SHISA7: variants seen among roughly 807,000 people sequenced by gnomAD.
The protein encoded by SHISA7 is shisa family member 7.
Under a neutral mutation model 23.9 loss-of-function variants are expected in SHISA7, and 6 were observed. The ratio of observed to expected loss-of-function variants is 0.25; its 90% CI spans 0.14 to 0.50. The LOEUF (loss-of-function observed/expected upper bound fraction) is 0.50. Among genes scored for constraint, SHISA7 ranks in the 20% least tolerant of loss-of-function variants. SHISA7 has a pLI of 0.98. For missense variants in SHISA7, 671 were observed against 801.1 expected, an observed-to-expected ratio of 0.84 and a Z score of 1.96; for synonymous variants, 386 against 398.3, an observed-to-expected ratio of 0.97 and a Z score of 0.37.
At chr19:55,435,300 G>A in intron 3 of SHISA7, among the ~76,000 whole-genome samples, 1 of 134,284 alleles carries the variant, frequency 7.4e-6, no homozygotes, top group South Asian at 2.5e-4. Context: ...TGTGGTGTGT[G>A]TGTATATGTG....
chr19:55,442,388 G>T lies in SHISA7; in HGVS notation c.476C>A (p.Pro159His). The change falls in exon 1 of 4, where the codon CCC becomes CAC. Residue 159 changes from proline to histidine, a missense_variant. Physicochemically the swap from Pro to His is moderately conservative, Grantham distance 77. This residue lies in a region of SHISA7 where 59 missense variants were observed against 57.2 expected (regional missense o/e 1.03). Coordinates refer to ENST00000376325, the MANE Select transcript of SHISA7 (RefSeq NM_001145176.2). ...GAGGAGGGPG[P>H]GQAGWLEGGR... is the part of the protein sequence containing the mutation. ...CCCTTCCAACCACCCGGCCTGGCCGGGCCCTGGCCCCCCGCCCGCACCCCC... is the reference window on the plus strand; with the variant it reads ...CCCTTCCAACCACCCGGCCTGGCCGTGCCCTGGCCCCCCGCCCGCACCCCC... 1 of 1,353,488 alleles carries T rather than the reference G, an allele frequency of 7.4e-7. No homozygotes were observed. The highest frequency in any genetic ancestry group is 1.5e-5 in the African/African-American group (1 of 64,838). 83.8% of individuals were successfully genotyped at this position (1,353,488 alleles called of 1,614,324 possible).
rs1985530216 is a variant in SHISA7 at position 55,438,876 on chromosome 19, C to CG, written c.827-1123_827-1122insC. On this transcript the variant is annotated intron_variant, in intron 2 of 3. Coordinates refer to ENST00000376325, the MANE Select transcript of SHISA7 (RefSeq NM_001145176.2). ...TCTGTCCCAAGTTCTTAGCACCCCC[C>CG]CCCCTGGTGCCCAGGCTAGAGATCT... Among the ~76,000 whole-genome samples the CG allele has an allele frequency of 3.9e-5, 5 of 126,784 alleles. No homozygotes were observed. The South Asian group carries it at 9.3e-4, about 24-fold the overall frequency. 83.2% of individuals were successfully genotyped at this position (126,784 alleles called of 152,430 possible).
chr19:55,438,679 G>T, intron 2 of SHISA7: 6 of 1,284,564 alleles, frequency 4.7e-6, no homozygotes, highest in Non-Finnish European at 6.2e-6. Flanking sequence ...ACTCCCAGCT[G>T]GCACCGTGGC....
chr19:55,437,223 C>T (rs1351236318), intron 3 of SHISA7, among the ~76,000 whole-genome samples: 1 of 152,190 alleles, frequency 6.6e-6, no homozygotes, highest in African/African-American at 2.4e-5. Context: ...ATGAGGCCCG[C>T]CGGTGGCGTA....
chr19:55,432,664 G>T lies in SHISA7; in HGVS notation c.*492C>A, dbSNP rs1170884055. The T allele has an allele frequency of 6.5e-6, 1 of 153,500 alleles. No individual in the cohort carries two copies. Among genetic ancestry groups the T allele is most frequent in the Non-Finnish European group, 1.5e-5 (1 of 68,698 alleles). 9.5% of individuals were successfully genotyped at this position (153,500 alleles called of 1,614,324 possible). ...TCCCCATGGCGATGATGCCAAAAGA[G>T]GCCTTGGAGTTAGAGATGACATCAT... On this transcript the variant is annotated 3_prime_UTR_variant, in exon 4 of 4. Coordinates refer to ENST00000376325, the MANE Select transcript of SHISA7 (RefSeq NM_001145176.2). This position sits in a 1 kb window ranked among gnomAD's most constrained non-coding sequence, Gnocchi z 4.6.
In SHISA7 at chr19:55,433,529, A is replaced by AGCAGCAGGTGCTCCTGCG; in HGVS notation, c.1226_1243dup (p.Leu414_Leu415insProGlnGluHisLeuLeu). Reference sequence around the variant, plus strand: ...CTGGCGCAGGGCCTCGGGCGAGGACAGCAGCAGGTGCTCCTGCGACACCAG... The same window carrying AGCAGCAGGTGCTCCTGCG: ...CTGGCGCAGGGCCTCGGGCGAGGACAGCAGCAGGTGCTCCTGCGGCAGCAGGTGCTCCTGCGACACCAG... On this transcript the variant is annotated inframe_insertion, in exon 4 of 4. Coordinates refer to ENST00000376325, the MANE Select transcript of SHISA7 (RefSeq NM_001145176.2). This position sits in a 1 kb window ranked among gnomAD's most constrained non-coding sequence, Gnocchi z 8.4. 1 of 1,487,026 alleles carries AGCAGCAGGTGCTCCTGCG rather than the reference A, an allele frequency of 6.7e-7. No individual in the cohort carries two copies. The highest frequency in any genetic ancestry group is 1.3e-5 in the South Asian group (1 of 79,202). 92.1% of individuals were successfully genotyped at this position (1,487,026 alleles called of 1,614,324 possible).
rs540403933 is a variant in SHISA7, at chr19:55,442,947, G to A, written c.-84C>T. 215 of 781,146 alleles carry A rather than the reference G, an allele frequency of 2.8e-4. No homozygotes were observed. The African/African-American group carries it at 4.0e-3, about 15-fold the overall frequency. 48.4% of individuals were successfully genotyped at this position (781,146 alleles called of 1,614,324 possible). On this transcript the variant is annotated 5_prime_UTR_variant, in exon 1 of 4. Coordinates refer to ENST00000376325, the MANE Select transcript of SHISA7 (RefSeq NM_001145176.2). ...TGGAGCGCTGGGCGGGAGAGAAACGGTCAGAGGGTGAGAAACGTAGAGATG... is the reference window on the plus strand; with the variant it reads ...TGGAGCGCTGGGCGGGAGAGAAACGATCAGAGGGTGAGAAACGTAGAGATG...
chr19:55,433,771 G>A lies in SHISA7; in HGVS notation c.1002C>T (p.Tyr334=). The change falls in exon 4 of 4, where the codon TAC becomes TAT. Residue 334 remains tyrosine (Y), a synonymous_variant. Coordinates refer to ENST00000376325, the MANE Select transcript of SHISA7 (RefSeq NM_001145176.2). The surrounding 1 kb of genome is among the most constrained non-coding windows in gnomAD (Gnocchi z 8.4). ...GCAATTCCAGGGGCCGGCGCTTCAG[G>A]TAGGCCTCGTCCAGATCCTTCTCGG... ...RLAEKDLDEA[Y]LKRRPLELPR... is the part of the protein sequence containing the mutation. The A allele has an allele frequency of 6.9e-7, 1 of 1,442,638 alleles. No individual in the cohort carries two copies. Among genetic ancestry groups the A allele is most frequent in the Non-Finnish European group, 9.0e-7 (1 of 1,107,688 alleles). 89.4% of individuals were successfully genotyped at this position (1,442,638 alleles called of 1,614,324 possible). A position where few individuals can be genotyped will look rare whatever the true frequency, so the allele number is the denominator to read the frequency against.
At chr19:55,441,177 A>G (rs932143698) in intron 1 of SHISA7, among the ~76,000 whole-genome samples, 4 of 151,976 alleles carry the variant, frequency 2.6e-5, no homozygotes, top group African/African-American at 4.8e-5. Flanking sequence ...CCTTTCAGCA[A>G]TCCTACGGAT....
intron 2 of SHISA7, among the ~76,000 whole-genome samples, chr19:55,438,132 C>G (rs1396249572): frequency 6.6e-6 from 1 of 151,544 alleles, no homozygotes; most frequent in Non-Finnish European, 1.5e-5. Flanking sequence ...CCCTCAGACC[C>G]AGGCGTCCAG....
Position 55,433,260 on chromosome 19 carries a change from G to A in SHISA7, c.1513C>T (p.Pro505Ser). The A allele has an allele frequency of 1.3e-6, 2 of 1,519,608 alleles. No individual in the cohort carries two copies. The highest frequency in any genetic ancestry group is 1.8e-6 in the Non-Finnish European group (2 of 1,140,412). 94.1% of individuals were successfully genotyped at this position (1,519,608 alleles called of 1,614,324 possible). A position where few individuals can be genotyped will look rare whatever the true frequency, so the allele number is the denominator to read the frequency against. The change falls in exon 4 of 4, where the codon CCG becomes TCG. Residue 505 changes from proline to serine, a missense_variant. By Grantham distance (74) the Pro-to-Ser change is moderately conservative. Transcript: ENST00000376325. The surrounding 1 kb of genome is among the most constrained non-coding windows in gnomAD (Gnocchi z 8.4). ...AGCGTGCCCTGGCGCTGGAAGGGCG[G>A]CCTGCGGGCCAGTGTGCCCCCGCCC... ...GGGGGTLARR[P>S]PFQRQGTLEQ...
intron 2 of SHISA7, among the ~76,000 whole-genome samples, chr19:55,439,315 C>T (rs1306153043): frequency 6.6e-6 from 1 of 152,194 alleles, no homozygotes; most frequent in Non-Finnish European, 1.5e-5. Context: ...GCCTCAAGAT[C>T]CAGCTCAGAT....
rs1055668806 is a variant in SHISA7 at position 55,442,892 on chromosome 19, C to G, written c.-29G>C. 2 of 1,258,484 alleles carry G rather than the reference C, an allele frequency of 1.6e-6. No individual in the cohort carries two copies. The highest frequency in any genetic ancestry group is 8.8e-5 in the Admixed American group (2 of 22,722). 78.0% of individuals were successfully genotyped at this position (1,258,484 alleles called of 1,614,324 possible). ...GCTTGCAGGGGGTCGCACTGGGCCG[C>G]CAGGCTGCGGGGAGAACGAGAGCAG... On this transcript the variant is annotated 5_prime_UTR_variant, in exon 1 of 4. Transcript: ENST00000376325.
Position 55,433,480 on chromosome 19 carries a change from G to A in SHISA7, c.1293C>T (p.Pro431=), listed in dbSNP as rs1985263757. 1 of 1,423,964 alleles carries A rather than the reference G, an allele frequency of 7.0e-7. No individual in the cohort carries two copies. Among genetic ancestry groups the A allele is most frequent in the East Asian group, 3.1e-5 (1 of 32,416 alleles). 88.2% of individuals were successfully genotyped at this position (1,423,964 alleles called of 1,614,324 possible). The change falls in exon 4 of 4, where the codon CCC becomes CCT. Residue 431 remains proline, a synonymous_variant. Coordinates refer to ENST00000376325, the MANE Select transcript of SHISA7 (RefSeq NM_001145176.2). This position sits in a 1 kb window ranked among gnomAD's most constrained non-coding sequence, Gnocchi z 8.4. ...LRQSREHLLS[P]PRSPALPPDP... is the part of the protein sequence containing the mutation. ...CGGGGGGCAGCGCGGGGCTGCGCGG[G>A]GGCGACAGCAGGTGCTCGCGACTCT...
In SHISA7 at chr19:55,429,933, T is replaced by A. The variant is rs1025872253; in HGVS notation, c.*3223A>T. ...CCAGTCGGTCACCAGCTTTGACCTA[T>A]CCCGCGGGGGTCAGGGATCTCTGAG... On this transcript the variant is annotated 3_prime_UTR_variant, in exon 4 of 4. Transcript: ENST00000376325. The A allele has an allele frequency of 1.3e-5, 2 of 152,152 alleles. No individual in the cohort carries two copies. The highest frequency in any genetic ancestry group is 2.9e-5 in the Non-Finnish European group (2 of 68,128). The allele number at this position is 152,152 out of a possible 1,614,324, so 9.4% of individuals were successfully genotyped here. A position where few individuals can be genotyped will look rare whatever the true frequency, so the allele number is the denominator to read the frequency against.
Position 55,442,828 on chromosome 19 carries a change from A to G in SHISA7, c.36T>C (p.Ser12=), listed in dbSNP as rs1433706173. Reference sequence around the variant, plus strand: ...GGCGCGCCCTGGCCTGGCCGGCGCTAGAGGCCAGGAGTACGAGGAGCAGGA... The same window carrying G: ...GGCGCGCCCTGGCCTGGCCGGCGCTGGAGGCCAGGAGTACGAGGAGCAGGA... ...PALLLLVLLA[S]SAGQARARPS... is the part of the protein sequence containing the mutation. The change falls in exon 1 of 4, where the codon TCT becomes TCC. Residue 12 remains serine (S), a synonymous_variant. Coordinates refer to ENST00000376325, the MANE Select transcript of SHISA7 (RefSeq NM_001145176.2). The G allele has an allele frequency of 2.9e-6, 4 of 1,380,498 alleles. No individual in the cohort carries two copies. The highest frequency in any genetic ancestry group is 6.3e-5 in the East Asian group (2 of 31,906). The allele number at this position is 1,380,498 out of a possible 1,614,324, so 85.5% of individuals were successfully genotyped here.
In SHISA7 at chr19:55,429,055, A is replaced by C. The variant is rs1372050698; in HGVS notation, c.*4101T>G. On this transcript the variant is annotated 3_prime_UTR_variant, in exon 4 of 4. Transcript: ENST00000376325. ...TCTCAGATGACGAGGTCCCAGCTCA[A>C]GACATGTGGAGGGGAATTGTCAGTA... 2 of 152,326 alleles carry C rather than the reference A, an allele frequency of 1.3e-5. No individual in the cohort carries two copies. Among genetic ancestry groups the C allele is most frequent in the Non-Finnish European group, 2.9e-5 (2 of 68,186 alleles). The allele number at this position is 152,326 out of a possible 1,614,324, so 9.4% of individuals were successfully genotyped here.
Position 55,429,792 on chromosome 19 carries a change from G to A in SHISA7, c.*3364C>T, listed in dbSNP as rs1985130887. ...CCCCGGAGGCTCCCCGGGTGTTAAG[G>A]TGTTAGGGAGGGAGGTGAAGGAGCA... is the stretch of plus-strand genomic sequence containing the variant. On this transcript the variant is annotated 3_prime_UTR_variant, in exon 4 of 4. Transcript: ENST00000376325. 6.6e-6 allele frequency: 1 copy of A among 150,398 alleles called. No individual in the cohort carries two copies. Among genetic ancestry groups the A allele is most frequent in the Non-Finnish European group, 1.5e-5 (1 of 67,664 alleles). The allele number at this position is 150,398 out of a possible 1,614,324, so 9.3% of individuals were successfully genotyped here.
chr19:55,433,790 T>G lies in SHISA7; in HGVS notation c.983A>C (p.Lys328Thr). 1 of 1,409,684 alleles carries G rather than the reference T, an allele frequency of 7.1e-7. No individual in the cohort carries two copies. Among genetic ancestry groups the G allele is most frequent in the Non-Finnish European group, 9.2e-7 (1 of 1,091,124 alleles). 87.3% of individuals were successfully genotyped at this position (1,409,684 alleles called of 1,614,324 possible). The change falls in exon 4 of 4, where the codon AAG becomes ACG. Residue 328 changes from lysine (K) to threonine (T), a missense_variant. Transcript: ENST00000376325. This position sits in a 1 kb window ranked among gnomAD's most constrained non-coding sequence, Gnocchi z 8.4. ...RYSSLKRLAE[K>T]DLDEAYLKRR... is the part of the protein sequence containing the mutation. ...CTTCAGGTAGGCCTCGTCCAGATCCTTCTCGGCTGCGGGGAGAGGGGGAAA... is the reference window on the plus strand; with the variant it reads ...CTTCAGGTAGGCCTCGTCCAGATCCGTCTCGGCTGCGGGGAGAGGGGGAAA...
Sources: gnomAD v4.1 joint callset for allele counts (sites outside exome capture counted in the v4.1 genomes callset) on GRCh38, gnomAD v4.1.1 for gene constraint, gnomAD v4.1.1 regional missense constraint, Gnocchi (gnomAD v3.1) non-coding constraint, MANE v1.5 for transcripts, NCBI Gene and HGNC (gene_info 2026-07-23, HGNC 2026-07-21) for gene names.